ADAMTS17: variants seen among roughly 807,000 people sequenced by gnomAD.
ADAMTS17 encodes A disintegrin and metalloproteinase with thrombospondin motifs 17.
Under a neutral mutation model 141.5 loss-of-function variants are expected in ADAMTS17, and 113 were observed. The ratio of observed to expected loss-of-function variants is 0.80; its 90% CI spans 0.69 to 0.93. The LOEUF (loss-of-function observed/expected upper bound fraction) is 0.93, where lower values mean the gene tolerates loss of function less well. Ranked by LOEUF, ADAMTS17 falls within the 40% of genes least tolerant of loss-of-function variation. The pLI, the probability that ADAMTS17 is intolerant of heterozygous loss-of-function variation, is 0.00. For missense variants in ADAMTS17, 1,659 were observed against 1,517.9 expected, an observed-to-expected ratio of 1.09 and a Z score of -1.54; for synonymous variants, 768 against 630.6, an observed-to-expected ratio of 1.22 and a Z score of -3.27.
chr15:100,114,926 T>G (rs2037019253), intron 13 of ADAMTS17, among the ~76,000 whole-genome samples: 1 of 152,188 alleles, frequency 6.6e-6, no homozygotes, highest in Non-Finnish European at 1.5e-5. Flanking sequence ...GACATTTCAG[T>G]GGGATTTCTG....
At chr15:100,263,706 T>C (rs1015674422) in intron 4 of ADAMTS17, among the ~76,000 whole-genome samples, 1 of 152,132 alleles carries the variant, frequency 6.6e-6, no homozygotes, top group Admixed American at 6.5e-5. Flanking sequence ...ATAGTAAAGG[T>C]AGTGGCAGAT....
intron 3 of ADAMTS17, among the ~76,000 whole-genome samples, chr15:100,322,265 C>A (rs1200550270): frequency 1.3e-5 from 2 of 152,180 alleles, no homozygotes; most frequent in African/African-American, 4.8e-5. Context: ...AACAAGGTGA[C>A]TGGAAAGTAT....
At chr15:100,096,586 G>A in intron 14 of ADAMTS17, 110 bp from the exon 15 acceptor site, 5 of 1,446,742 alleles carry the variant, frequency 3.5e-6, no homozygotes, top group Non-Finnish European at 4.8e-6. Context: ...ATGGGGCCTG[G>A]GGCCCTGATC....
At chr15:100,248,192 C>T (rs749379199) in intron 7 of ADAMTS17, among the ~76,000 whole-genome samples, 6 of 152,132 alleles carry the variant, frequency 3.9e-5, no homozygotes, top group South Asian at 2.1e-4. Flanking sequence ...CACTGGACAA[C>T]GAAAAGGGAG....
intron 7 of ADAMTS17, among the ~76,000 whole-genome samples, chr15:100,238,501 G>T (rs1371592272): frequency 1.3e-5 from 2 of 152,234 alleles, no homozygotes; most frequent in African/African-American, 4.8e-5. Context: ...CAGAATGTCG[G>T]TGAGGACAAA....
rs191117931 is a variant in ADAMTS17 at position 100,080,857 on chromosome 15, G to A, written c.2137+15499C>T. Among the ~76,000 whole-genome samples the A allele has an allele frequency of 1.2e-4, 19 of 152,268 alleles. 1 individual carries two copies. The highest frequency in any genetic ancestry group is 9.8e-4 in the Admixed American group (15 of 15,294). The stretch of plus-strand genomic sequence containing the variant: ...GGGATTGGTGTATTTCTGGTTGTAC[G>A]AAGGATAGCTGTAGTATGTTAGGGG... On this transcript the variant is annotated intron_variant, in intron 15 of 21. Coordinates refer to ENST00000268070, the MANE Select transcript of ADAMTS17 (RefSeq NM_139057.4).
At chr15:100,020,031 G>T (rs1596243470) in intron 18 of ADAMTS17, among the ~76,000 whole-genome samples, 1 of 152,046 alleles carries the variant, frequency 6.6e-6, no homozygotes, top group East Asian at 1.9e-4. Context: ...TAATGACGTG[G>T]CATAGTTTTC....
At chr15:100,025,729 A>T (rs575868141) in intron 18 of ADAMTS17, among the ~76,000 whole-genome samples, 6 of 151,962 alleles carry the variant, frequency 3.9e-5, no homozygotes, top group South Asian at 2.1e-4. Context: ...GAAAAAGAAA[A>T]TTTTTTTCTT....
chr15:100,081,117 A>T (rs111469518), intron 15 of ADAMTS17, among the ~76,000 whole-genome samples: 9,213 of 152,264 alleles, frequency 0.061, 294 homozygotes, highest in Middle Eastern at 0.078. Flanking sequence ...TCTGGTGGGC[A>T]CAATCTAATC....
At chr15:100,337,320 G>A (rs1403342880) in intron 2 of ADAMTS17, among the ~76,000 whole-genome samples, 2 of 152,350 alleles carry the variant, frequency 1.3e-5, no homozygotes, top group East Asian at 1.9e-4. Flanking sequence ...ACATGGACAC[G>A]TGGTCTGCAG....
At chr15:100,044,463 A>T (rs1458369699) in intron 18 of ADAMTS17, among the ~76,000 whole-genome samples, 3 of 152,200 alleles carry the variant, frequency 2.0e-5, no homozygotes, top group Non-Finnish European at 4.4e-5. Flanking sequence ...GTGAATTTTT[A>T]AAATTTCAGA....
At chr15:100,311,164 G>A (rs74039261) in intron 3 of ADAMTS17, among the ~76,000 whole-genome samples, 42 of 152,320 alleles carry the variant, frequency 2.8e-4, no homozygotes, top group African/African-American at 6.5e-4. Context: ...GCCTCCTGCC[G>A]GGAGGGAAGC....
intron 3 of ADAMTS17, among the ~76,000 whole-genome samples, chr15:100,316,989 C>T (rs903301276): frequency 6.6e-6 from 1 of 152,216 alleles, no homozygotes; most frequent in African/African-American, 2.4e-5. Flanking sequence ...GTCATACAGC[C>T]TCCGGGGAAT....
chr15:100,212,077 T>G (rs1228350036), intron 7 of ADAMTS17, among the ~76,000 whole-genome samples: 1 of 152,202 alleles, frequency 6.6e-6, no homozygotes, highest in Non-Finnish European at 1.5e-5. Flanking sequence ...CTTATGTGTA[T>G]GCACACATAT....
chr15:100,166,414 A>C (rs745929503), intron 8 of ADAMTS17, among the ~76,000 whole-genome samples: 2 of 152,176 alleles, frequency 1.3e-5, no homozygotes, highest in Non-Finnish European at 2.9e-5. Flanking sequence ...AGGACTTCTA[A>C]AATAATATTA....
chr15:100,110,334 A>G (rs1389074393), intron 13 of ADAMTS17, among the ~76,000 whole-genome samples: 2 of 150,772 alleles, frequency 1.3e-5, no homozygotes, highest in Non-Finnish European at 1.5e-5. Flanking sequence ...GCGCGATCTC[A>G]GCTCAATGCA....
At chr15:100,128,244 T>C (rs1424565227) in intron 12 of ADAMTS17, 1 of 152,238 alleles carries the variant, frequency 6.6e-6, no homozygotes, top group East Asian at 1.9e-4. Context: ...GGCAGGGATT[T>C]TATCTGTGTT....
At chr15:100,061,883 T>A (rs927857505) in intron 15 of ADAMTS17, among the ~76,000 whole-genome samples, 3 of 152,238 alleles carry the variant, frequency 2.0e-5, no homozygotes, top group African/African-American at 7.2e-5. Context: ...GGGCCTCCAG[T>A]ACATTCAAAT....
intron 7 of ADAMTS17, among the ~76,000 whole-genome samples, chr15:100,230,217 C>T (rs1402226330): frequency 6.6e-6 from 1 of 152,234 alleles, no homozygotes; most frequent in Non-Finnish European, 1.5e-5. Flanking sequence ...TCACGAATGA[C>T]ACCCGCGGTG....
Sources: gnomAD v4.1 joint callset for allele counts (sites outside exome capture counted in the v4.1 genomes callset) on GRCh38, gnomAD v4.1.1 for gene constraint, MANE v1.5 for transcripts, NCBI Gene and HGNC (gene_info 2026-07-23, HGNC 2026-07-21) for gene names.